Variants in SRSF4 observed in about 807,000 individuals in gnomAD.
SRSF4 encodes serine/arginine-rich splicing factor 4.
In SRSF4, 12 loss-of-function variants were observed where a neutral mutation model predicts 48.8. The ratio of observed to expected loss-of-function variants is 0.25; its 90% CI spans 0.16 to 0.40. SRSF4 has a LOEUF of 0.40. Among genes scored for constraint, SRSF4 ranks in the 10% least tolerant of loss-of-function variants. The probability of loss-of-function intolerance (pLI) is 1.00; values close to 1 mark genes in which losing one functional copy is unlikely to be tolerated. For synonymous variants in SRSF4, 248 were observed against 232.5 expected, an observed-to-expected ratio of 1.07 and a Z score of -0.61; for missense variants, 466 against 667.1, an observed-to-expected ratio of 0.70 and a Z score of 3.32.
chr1:29,172,842 TA>T (rs1470659691), intron 1 of SRSF4: 3 of 151,970 alleles, frequency 2.0e-5, no homozygotes, highest in Non-Finnish European at 4.4e-5. Context: ...GGGTTACTTA[TA>T]ACAGCAAGAA....
intron 1 of SRSF4, chr1:29,169,141 C>T (rs904218892): frequency 3.9e-5 from 6 of 152,212 alleles, no homozygotes; most frequent in African/African-American, 1.4e-4. Flanking sequence ...GCTTTACACA[C>T]ATTATATCCA....
intron 1 of SRSF4, among the ~76,000 whole-genome samples, chr1:29,175,694 C>CAAAA (rs60942124): frequency 0.083 from 3,200 of 38,396 alleles, 653 homozygotes; most frequent in Non-Finnish European, 0.11. Flanking sequence ...GACGCTGTCT[C>CAAAA]AAAAAAAAAA....
intron 1 of SRSF4, among the ~76,000 whole-genome samples, chr1:29,168,029 T>TA (rs35140219): frequency 0.26 from 36,703 of 140,740 alleles, 5,108 homozygotes; most frequent in Non-Finnish European, 0.3. Context: ...TTTTTTTTTT[T>TA]AAAAAAAACA....
intron 1 of SRSF4, among the ~76,000 whole-genome samples, chr1:29,178,569 G>T (rs1157589614): frequency 6.6e-6 from 1 of 151,430 alleles, no homozygotes; most frequent in Admixed American, 6.6e-5. Context: ...TCTTAACCAG[G>T]ATGGTCTCGA....
intron 3 of SRSF4, among the ~76,000 whole-genome samples, chr1:29,156,616 T>C (rs1672503793): frequency 6.6e-6 from 1 of 152,140 alleles, no homozygotes; most frequent in Non-Finnish European, 1.5e-5. Flanking sequence ...CAGGATTCTA[T>C]TCAGGTTGGC....
At chr1:29,150,221 T>A in intron 4 of SRSF4, 29 bp from the exon 5 acceptor site, 1 of 1,568,464 alleles carries the variant, frequency 6.4e-7, no homozygotes, top group Non-Finnish European at 8.8e-7. Flanking sequence ...TTTTAATACT[T>A]GCTGACAAGA....
Position 29,148,515 on chromosome 1 carries a change from G to A in SRSF4, c.1380C>T (p.Ser460=). 6.2e-7 allele frequency: 1 copy of A among 1,614,088 alleles called. No individual in the cohort carries two copies. The highest frequency in any genetic ancestry group is 8.5e-7 in the Non-Finnish European group (1 of 1,180,006). Residue 460 remains serine (S), a synonymous_variant, in exon 6 of 6, where the codon TCC becomes TCT. Transcript: ENST00000373795. ...GGGTTTTTGAAGCTGACTTTGATCT[G>A]GAGCGTGATTCTGATGGAAGGTTTG... ...SKPNLPSESR[S]RSKSASKTRS...
At chr1:29,158,648 G>A (rs1268805733) in intron 3 of SRSF4, among the ~76,000 whole-genome samples, 2 of 152,114 alleles carry the variant, frequency 1.3e-5, no homozygotes, top group African/African-American at 4.8e-5. Flanking sequence ...TTTACAGAGA[G>A]AAATTTCGTT....
rs1289299092 is a variant in SRSF4, at chr1:29,181,782, G to A, written c.-30C>T. On this transcript the variant is annotated 5_prime_UTR_variant, in exon 1 of 6. Coordinates refer to ENST00000373795, the MANE Select transcript of SRSF4 (RefSeq NM_005626.5). Reference sequence around the variant, plus strand: ...GCAACGGCAGTGATGGCTGGCCCCGGCCCCAGCCCCCCTTAGGCGGCGGCG... The same window carrying A: ...GCAACGGCAGTGATGGCTGGCCCCGACCCCAGCCCCCCTTAGGCGGCGGCG... The A allele has an allele frequency of 1.3e-6, 2 of 1,534,776 alleles. No individual in the cohort carries two copies. Among genetic ancestry groups the A allele is most frequent in the Admixed American group, 3.9e-5 (2 of 51,460 alleles).
At chr1:29,150,857 G>A (rs1574188764) in intron 4 of SRSF4, among the ~76,000 whole-genome samples, 1 of 151,968 alleles carries the variant, frequency 6.6e-6, no homozygotes, top group African/African-American at 2.4e-5. Flanking sequence ...CCTGATCTTC[G>A]GTCTTTCTAC....
At chr1:29,162,678 TC>T (rs1311571143) in intron 1 of SRSF4, among the ~76,000 whole-genome samples, 1 of 152,218 alleles carries the variant, frequency 6.6e-6, no homozygotes, top group African/African-American at 2.4e-5. Context: ...TCCACTCCCT[TC>T]GAGTCATACT....
intron 1 of SRSF4, among the ~76,000 whole-genome samples, chr1:29,162,239 G>A (rs1672609445): frequency 6.6e-6 from 1 of 152,162 alleles, no homozygotes; most frequent in African/African-American, 2.4e-5. Flanking sequence ...TAGAATTGCT[G>A]AGCAGCTTAA....
chr1:29,152,343 G>A (rs1438922397), intron 4 of SRSF4, among the ~76,000 whole-genome samples: 2 of 152,166 alleles, frequency 1.3e-5, no homozygotes, highest in Non-Finnish European at 2.9e-5. Context: ...AGAAGCTGGA[G>A]GAGTGGGAGG....
intron 3 of SRSF4, among the ~76,000 whole-genome samples, chr1:29,155,454 G>GTGAATA (rs1457899559): frequency 6.6e-6 from 1 of 152,034 alleles, no homozygotes; most frequent in Non-Finnish European, 1.5e-5. Flanking sequence ...AAAGTTTTGT[G>GTGAATA]TGAATATAGA....
At position 29,159,410 on chromosome 1, in the gene SRSF4, C is replaced by T. The variant is rs758851754; in HGVS notation, c.327G>A (p.Glu109=). 6.2e-7 allele frequency: 1 copy of T among 1,614,060 alleles called. No individual in the cohort carries two copies. The highest frequency in any genetic ancestry group is 2.2e-5 in the East Asian group (1 of 44,876). Residue 109 remains glutamate, a synonymous_variant, in exon 3 of 6, where the codon GAG becomes GAA. Coordinates refer to ENST00000373795, the MANE Select transcript of SRSF4 (RefSeq NM_005626.5). ...GCCAGCTGCACCGACTTGACAAATT[C>T]TCCACAATAAGTCTGTACTCTGTGC... ...PTRTEYRLIV[E]NLSSRCSWQD... is the part of the protein sequence containing the mutation.
At chr1:29,168,789 T>C (rs1672703303) in intron 1 of SRSF4, 1 of 152,214 alleles carries the variant, frequency 6.6e-6, no homozygotes, top group African/African-American at 2.4e-5. Flanking sequence ...ACGTGGTGGA[T>C]GTGAATGAAT....
chr1:29,181,016 G>T (rs540151566), intron 1 of SRSF4, among the ~76,000 whole-genome samples: 1 of 152,304 alleles, frequency 6.6e-6, no homozygotes, highest in Admixed American at 6.5e-5. Flanking sequence ...TTAAAGATAA[G>T]AAGTTAAGAC....
chr1:29,165,551 G>C (rs557868052), intron 1 of SRSF4, among the ~76,000 whole-genome samples: 1 of 152,168 alleles, frequency 6.6e-6, no homozygotes, highest in Non-Finnish European at 1.5e-5. Context: ...GCTCTGTTAT[G>C]TTCTACTGAA....
intron 4 of SRSF4, among the ~76,000 whole-genome samples, chr1:29,152,016 G>A (rs184238657): frequency 2.6e-5 from 4 of 152,288 alleles, no homozygotes; most frequent in African/African-American, 4.8e-5. Context: ...AGTGGCTCAC[G>A]TCTGTAATCT....
Sources: allele counts gnomAD v4.1 joint callset (sites outside exome capture counted in the v4.1 genomes callset), GRCh38; gene constraint gnomAD v4.1.1; transcripts MANE v1.5; gene names NCBI Gene and HGNC (gene_info 2026-07-23, HGNC 2026-07-21).